Variants in TNP2 observed in about 807,000 individuals in gnomAD.
The protein encoded by TNP2 is nuclear transition protein 2.
TNP2 carries 10 observed loss-of-function variants against 8.5 expected under a neutral mutation model. The observed-to-expected ratio is 1.17, with a 90% CI of 0.72 to 1.99. The LOEUF (loss-of-function observed/expected upper bound fraction) is 1.99, where lower values mean the gene tolerates loss of function less well. Among genes scored for constraint, TNP2 ranks in the 30% most tolerant of loss-of-function variants. The pLI is 0.00. For synonymous variants in TNP2, 80 were observed against 62.3 expected, an observed-to-expected ratio of 1.28 and a Z score of -1.34; for missense variants, 222 against 181.2, an observed-to-expected ratio of 1.23 and a Z score of -1.29.
At chr16:11,268,818 T>A (rs1408162059) in intron 1 of TNP2, 45 bp downstream of exon 1, 2 of 1,511,544 alleles carry the variant, frequency 1.3e-6, no homozygotes, top group African/African-American at 2.8e-5. Flanking sequence ...CTGCTCTCCA[T>A]CATCTGTGGG....
At chr16:11,268,239 A>G (rs1270544303) in intron 1 of TNP2, 1 of 498,136 alleles carries the variant, frequency 2.0e-6, no homozygotes, top group Non-Finnish European at 3.6e-6. Context: ...CACTCATTCC[A>G]TTCATTTATT....
In TNP2 at chr16:11,269,303, T is replaced by G. The variant is rs1567460643; in HGVS notation, c.-41A>C. ...GAGGGGCAGGGCCTCCTCCTCATCC[T>G]CTCCCAGCAGGCCTAGCTTTACAGA... On this transcript the variant is annotated 5_prime_UTR_variant, in exon 1 of 2. Coordinates refer to ENST00000312693, the MANE Select transcript of TNP2 (RefSeq NM_005425.5). 6.4e-7 allele frequency: 1 copy of G among 1,566,206 alleles called. No homozygotes were observed. The highest frequency in any genetic ancestry group is 8.6e-7 in the Non-Finnish European group (1 of 1,162,500).
chr16:11,267,985 G>T lies in TNP2; in HGVS notation c.*11C>A. 4 of 1,611,880 alleles carry T rather than the reference G, an allele frequency of 2.5e-6. No individual in the cohort carries two copies. The highest frequency in any genetic ancestry group is 3.4e-6 in the Non-Finnish European group (4 of 1,179,104). ...GAAACACGCAGGAACAAGCCAAGGA[G>T]TGCGGTCTCATTAGTTGGATTTCCA... is the stretch of plus-strand genomic sequence containing the variant. On this transcript the variant is annotated 3_prime_UTR_variant, in exon 2 of 2. Transcript: ENST00000312693.
intron 1 of TNP2, 189 bp from the exon 2 acceptor site, chr16:11,268,201 C>A: frequency 1.8e-6 from 1 of 550,124 alleles, no homozygotes; most frequent in Non-Finnish European, 3.3e-6. Context: ...TTTATCCCTT[C>A]CATTTGTCAT....
intron 1 of TNP2, chr16:11,268,290 T>C (rs1445322850): frequency 1.5e-5 from 6 of 407,302 alleles, no homozygotes; most frequent in Non-Finnish European, 2.7e-5. Flanking sequence ...TCTAGATATC[T>C]ATTCTTCTCT....
rs377306474 is a variant in TNP2 at position 11,269,011 on chromosome 16, C to G, written c.252G>C (p.Lys84Asn). The G allele has an allele frequency of 6.8e-6, 11 of 1,613,774 alleles. No homozygotes were observed. The highest frequency in any genetic ancestry group is 3.3e-5 in the Admixed American group (2 of 59,996). ...TGGGAGAGTGGTGGGAGTTCATAGT[C>G]TTTTTGTGGCGCTTTGGTGGTGGAC... ...NTSPPPKRHK[K>N]TMNSHHSPMR... The change falls in exon 1 of 2, where the codon AAG (lysine) becomes AAC (asparagine). Residue 84 changes from lysine to asparagine, a missense_variant. Transcript: ENST00000312693.
Position 11,269,213 on chromosome 16 carries a change from C to T in TNP2, c.50G>A (p.Ser17Asn), listed in dbSNP as rs770302053. The T allele has an allele frequency of 1.2e-6, 2 of 1,608,082 alleles. No homozygotes were observed. Among genetic ancestry groups the T allele is most frequent in the Non-Finnish European group, 1.7e-6 (2 of 1,179,838 alleles). ...SLPITHTQLHSNSQPQSRTCT... is the reference protein window; with the variant it reads ...SLPITHTQLHNNSQPQSRTCT... ...GGTGCGGCTTTGGGGCTGAGAGTTGCTATGGAGCTGAGTGTGGGTGATAGG... is the reference window on the plus strand; with the variant it reads ...GGTGCGGCTTTGGGGCTGAGAGTTGTTATGGAGCTGAGTGTGGGTGATAGG... Residue 17 changes from serine to asparagine, a missense_variant, in exon 1 of 2, where the codon AGC becomes AAC. Ser to Asn is a conservative substitution (Grantham distance 46). Transcript: ENST00000312693.
intron 1 of TNP2, 103 bp downstream of exon 1, chr16:11,268,759 TG>T: frequency 8.1e-7 from 1 of 1,236,820 alleles, no homozygotes; most frequent in Non-Finnish European, 1.1e-6. Context: ...TTCTTGCCTG[TG>T]GTTCCTTTGT....
At chr16:11,268,726 A>G (rs565744851) in intron 1 of TNP2, 137 bp downstream of exon 1, 4 of 918,638 alleles carry the variant, frequency 4.4e-6, no homozygotes, top group Admixed American at 3.5e-5. Flanking sequence ...GCCAACTGCC[A>G]TTGTTTCTCT....
At position 11,269,295 on chromosome 16, in the gene TNP2, C is replaced by T; in HGVS notation, c.-33G>A. On this transcript the variant is annotated 5_prime_UTR_variant, in exon 1 of 2. Transcript: ENST00000312693. ...CACGTTTGGAGGGGCAGGGCCTCCT[C>T]CTCATCCTCTCCCAGCAGGCCTAGC... The T allele has an allele frequency of 6.3e-7, 1 of 1,574,936 alleles. No individual in the cohort carries two copies. Among genetic ancestry groups the T allele is most frequent in the Non-Finnish European group, 8.6e-7 (1 of 1,166,456 alleles).
chr16:11,268,734 T>G, intron 1 of TNP2, 129 bp downstream of exon 1: 1 of 1,007,938 alleles, frequency 9.9e-7, no homozygotes, highest in Non-Finnish European at 1.4e-6. Flanking sequence ...CCATTGTTTC[T>G]CTTCTCCCTC....
rs200192147 is a variant in TNP2, at chr16:11,269,272, C to T, written c.-10G>A. 5.6e-5 allele frequency: 90 copies of T among 1,593,704 alleles called. No individual in the cohort carries two copies. The highest frequency in any genetic ancestry group is 1.7e-4 in the Middle Eastern group (1 of 6,002). The stretch of plus-strand genomic sequence containing the variant: ...GAGTCTGGGTGTCCATAGGAGGCCA[C>T]GTTTGGAGGGGCAGGGCCTCCTCCT... On this transcript the variant is annotated 5_prime_UTR_variant, in exon 1 of 2. In the 5' UTR this introduces an upstream ATG that the reference lacks. Transcript: ENST00000312693.
At chr16:11,268,735 C>T in intron 1 of TNP2, 128 bp downstream of exon 1, 1 of 977,994 alleles carries the variant, frequency 1.0e-6, no homozygotes, top group Non-Finnish European at 1.4e-6. Context: ...CATTGTTTCT[C>T]TTCTCCCTCT....
rs780393541 is a variant in TNP2 at position 11,268,985 on chromosome 16, A to G, written c.278T>C (p.Met93Thr). 9.3e-6 allele frequency: 15 copies of G among 1,613,560 alleles called. No homozygotes were observed. In the African/African-American group the frequency reaches 1.5e-4, roughly 16 times the overall value. ...KKTMNSHHSP[M>T]RPTILHCRCP... ...GCGGCAGTGCAGGATGGTGGGCCGC[A>G]TGGGAGAGTGGTGGGAGTTCATAGT... Residue 93 changes from methionine to threonine, a missense_variant, in exon 1 of 2, where the codon ATG becomes ACG. Transcript: ENST00000312693.
intron 1 of TNP2, chr16:11,268,253 C>A: frequency 2.1e-6 from 1 of 484,138 alleles, no homozygotes; most frequent in Non-Finnish European, 3.7e-6. Context: ...ATTTATTCAA[C>A]ATTTCTTTCC....
chr16:11,269,242 G>C lies in TNP2; in HGVS notation c.21C>G (p.Ser7Arg). The change falls in exon 1 of 2, where the codon AGC becomes AGG. Residue 7 changes from serine (S) to arginine (R), a missense_variant. By Grantham distance (110) the Ser-to-Arg change is moderately radical. Coordinates refer to ENST00000312693, the MANE Select transcript of TNP2 (RefSeq NM_005425.5). MDTQTH[S>R]LPITHTQLHS... ...GGAGCTGAGTGTGGGTGATAGGAAGGCTGTGAGTCTGGGTGTCCATAGGAG... is the reference window on the plus strand; with the variant it reads ...GGAGCTGAGTGTGGGTGATAGGAAGCCTGTGAGTCTGGGTGTCCATAGGAG... 6.2e-7 allele frequency: 1 copy of C among 1,603,206 alleles called. No homozygotes were observed. Among genetic ancestry groups the C allele is most frequent in the Non-Finnish European group, 8.5e-7 (1 of 1,179,674 alleles).
At position 11,268,005 on chromosome 16, in the gene TNP2, T is replaced by C; in HGVS notation, c.408A>G (p.Lys136=). ...YKTKTRSSGW[K]SN ...AAGGAGTGCGGTCTCATTAGTTGGATTTCCATCCTAAGGGATAAGAGTGGG... is the reference window on the plus strand; with the variant it reads ...AAGGAGTGCGGTCTCATTAGTTGGACTTCCATCCTAAGGGATAAGAGTGGG... Residue 136 remains lysine (K), a synonymous_variant, in exon 2 of 2, where the codon AAA becomes AAG. Coordinates refer to ENST00000312693, the MANE Select transcript of TNP2 (RefSeq NM_005425.5). 1 of 1,612,484 alleles carries C rather than the reference T, an allele frequency of 6.2e-7. No homozygotes were observed. The highest frequency in any genetic ancestry group is 8.5e-7 in the Non-Finnish European group (1 of 1,179,336).
intron 1 of TNP2, chr16:11,268,416 C>G (rs1033390767): frequency 6.8e-6 from 2 of 296,226 alleles, no homozygotes; most frequent in African/African-American, 4.3e-5. Flanking sequence ...ATCCACCAAC[C>G]ACAATCTTCA....
rs760937986 is a variant in TNP2, at chr16:11,269,267, G to A, written c.-5C>T. ...GCTGTGAGTCTGGGTGTCCATAGGA[G>A]GCCACGTTTGGAGGGGCAGGGCCTC... On this transcript the variant is annotated 5_prime_UTR_variant, in exon 1 of 2. Coordinates refer to ENST00000312693, the MANE Select transcript of TNP2 (RefSeq NM_005425.5). 3.8e-6 allele frequency: 6 copies of A among 1,595,906 alleles called. No homozygotes were observed. The highest frequency in any genetic ancestry group is 4.2e-6 in the Non-Finnish European group (5 of 1,176,762).
Sources: allele counts gnomAD v4.1 joint callset, GRCh38; gene constraint gnomAD v4.1.1; transcripts MANE v1.5; gene names NCBI Gene and HGNC (gene_info 2026-07-23, HGNC 2026-07-21).